COL18A1: variants seen among roughly 807,000 people sequenced by gnomAD.
The protein encoded by COL18A1 is collagen type XVIII alpha 1 chain.
In COL18A1, 133 loss-of-function variants were observed where a neutral mutation model predicts 168.0. The ratio of observed to expected loss-of-function variants is 0.79; its 90% confidence interval spans 0.69 to 0.91. COL18A1 has a LOEUF of 0.91. Ranked by LOEUF, COL18A1 falls within the 40% of genes least tolerant of loss-of-function variation. The pLI is 0.00. For synonymous variants in COL18A1, 949 were observed against 809.0 expected (o/e 1.17, Z -2.94); for missense variants, 2,126 against 1,925.4 (o/e 1.10, Z -1.95).
In COL18A1 at chr21:45,512,217, AC is replaced by A. The variant is rs2037653611; in HGVS notation, c.3843del (p.Asn1282ThrfsTer5). 1 of 1,612,032 alleles carries A rather than the reference AC, an allele frequency of 6.2e-7. No homozygotes were observed. Among genetic ancestry groups the A allele is most frequent in the Admixed American group, 1.7e-5 (1 of 59,946 alleles). On this transcript the variant is annotated frameshift_variant, in exon 42 of 42. Transcript: ENST00000651438. LOFTEE classifies it low-confidence loss of function (END_TRUNC). ...WPQKSVWHGS[D>X]PNGRRLTESY... ...CAGAAGAGCGTGTGGCATGGCTCGG[AC>A]CCCAACGGGCGCAGGCTGACCGAGA...
intron 16 of COL18A1, 25 bp downstream of exon 16, chr21:45,487,017 C>T: frequency 2.0e-6 from 3 of 1,496,402 alleles, no homozygotes; most frequent in Non-Finnish European, 2.7e-6. Flanking sequence ...CACCTGACCC[C>T]CTGGAGAGCC....
intron 2 of COL18A1, chr21:45,455,634 A>G: frequency 6.2e-7 from 1 of 1,613,936 alleles, no homozygotes; most frequent in Non-Finnish European, 8.5e-7. Flanking sequence ...TGGTTCAATA[A>G]TGAGGACACC....
intron 32 of COL18A1, among the ~76,000 whole-genome samples, chr21:45,501,399 G>C (rs886198843): frequency 6.6e-6 from 1 of 152,126 alleles, no homozygotes; most frequent in South Asian, 2.1e-4. Flanking sequence ...CGGGACCGGG[G>C]TCTGCCCCAG....
rs2037661623 is a variant in COL18A1 at position 45,512,338 on chromosome 21, C to T, written c.3960C>T (p.Ser1320=). The change falls in exon 42 of 42, where the codon AGC becomes AGT. Residue 1320 remains serine (S), a synonymous_variant. Transcript: ENST00000651438. ...GGRLLGQSAA[S]CHHAYIVLCI... is the part of the protein sequence containing the mutation. ...GGCTCCTGGGGCAGAGTGCCGCGAG[C>T]TGCCATCACGCCTACATCGTGCTCT... 1.2e-6 allele frequency: 2 copies of T among 1,612,692 alleles called. No homozygotes were observed. Among genetic ancestry groups the T allele is most frequent in the Non-Finnish European group, 1.7e-6 (2 of 1,179,828 alleles).
chr21:45,510,483 TCCCATGAGGCC>T (rs2037515869), intron 40 of COL18A1, among the ~76,000 whole-genome samples: 1 of 152,064 alleles, frequency 6.6e-6, no homozygotes, highest in Non-Finnish European at 1.5e-5. Flanking sequence ...CCCCAGGGCA[TCCCATGAGGCC>T]CCCCCGTGGC....
intron 2 of COL18A1, among the ~76,000 whole-genome samples, chr21:45,442,211 C>T (rs1221612372): frequency 3.9e-5 from 6 of 152,224 alleles, no homozygotes; most frequent in Admixed American, 6.5e-5. Flanking sequence ...TGGATACCAC[C>T]GGTGCACAGG....
rs766163152 is a variant in COL18A1, at chr21:45,484,801, CAT to C, written c.1701+1981_1701+1982del. ...TCTAGTATGTGTGCATACACGTACACATGTAGGCTTTGAGTTAAGCAGGGGAG... is the reference window on the plus strand; with the variant it reads ...TCTAGTATGTGTGCATACACGTACACGTAGGCTTTGAGTTAAGCAGGGGAG... On this transcript the variant is annotated intron_variant, in intron 15 of 41. Coordinates refer to ENST00000651438, the MANE Select transcript of COL18A1 (RefSeq NM_001379500.1). 2.0e-5 allele frequency among the ~76,000 whole-genome samples: 3 copies of C among 152,302 alleles called. No individual in the cohort carries two copies. The East Asian group carries it at 5.8e-4, about 29-fold the overall frequency.
At chr21:45,501,884 C>G (rs1233017593) in intron 32 of COL18A1, among the ~76,000 whole-genome samples, 1 of 115,826 alleles carries the variant, frequency 8.6e-6, no homozygotes, top group Non-Finnish European at 1.9e-5. Flanking sequence ...AGCCGGTCAC[C>G]TCCCTCTGCA....
chr21:45,429,379 C>T (rs533984790), intron 2 of COL18A1, among the ~76,000 whole-genome samples: 4 of 152,022 alleles, frequency 2.6e-5, no homozygotes, highest in East Asian at 3.9e-4. Flanking sequence ...TCGCTGTCAG[C>T]GATGGCTGCT....
At chr21:45,426,228 T>C (rs2033794950) in intron 2 of COL18A1, among the ~76,000 whole-genome samples, 1 of 152,120 alleles carries the variant, frequency 6.6e-6, no homozygotes, top group Non-Finnish European at 1.5e-5. Flanking sequence ...TCTCAGCCTC[T>C]GGAGTAGCTG....
rs2035533390 is a variant in COL18A1 at position 45,473,796 on chromosome 21, G to A, written c.652-99G>A. 1 of 978,730 alleles carries A rather than the reference G, an allele frequency of 1.0e-6. No homozygotes were observed. Among genetic ancestry groups the A allele is most frequent in the African/African-American group, 1.6e-5 (1 of 62,282 alleles). 60.6% of individuals were successfully genotyped at this position (978,730 alleles called of 1,614,324 possible). A position where few individuals can be genotyped will look rare whatever the true frequency, so the allele number is the denominator to read the frequency against. ...CCCCTTCCCTCTCCGAGACTCTCCT[G>A]CCCTTTGTGGGCCCCCCGAAATCTG... is the stretch of plus-strand genomic sequence containing the variant. On this transcript the variant is annotated intron_variant, in intron 3 of 41. Transcript: ENST00000651438. This position sits in a 1 kb window ranked among gnomAD's most constrained non-coding sequence, Gnocchi z 4.0.
intron 2 of COL18A1, among the ~76,000 whole-genome samples, chr21:45,437,791 C>G (rs111213117): frequency 6.8e-5 from 5 of 73,330 alleles, no homozygotes; most frequent in African/African-American, 2.6e-4. Flanking sequence ...CTCACTCACA[C>G]ACAGACACAC....
intron 2 of COL18A1, among the ~76,000 whole-genome samples, chr21:45,428,806 G>A (rs1304644506): frequency 6.6e-6 from 1 of 152,130 alleles, no homozygotes; most frequent in Non-Finnish European, 1.5e-5. Flanking sequence ...TTTCATGGGT[G>A]TGTAATAGTC....
chr21:45,509,286 G>A (rs968141960), intron 38 of COL18A1, 70 bp from the exon 39 acceptor site: 110 of 1,530,138 alleles, frequency 7.2e-5, no homozygotes, highest in Non-Finnish European at 9.4e-5. Flanking sequence ...CAGCCCAGAG[G>A]AGGACACAGA....
intron 2 of COL18A1, among the ~76,000 whole-genome samples, chr21:45,467,096 G>T (rs2035238729): frequency 6.6e-6 from 1 of 152,246 alleles, no homozygotes; most frequent in Non-Finnish European, 1.5e-5. Flanking sequence ...CTCTGCCCCT[G>T]GCCCAGACTG....
At chr21:45,483,932 G>GCA (rs748632916) in intron 15 of COL18A1, among the ~76,000 whole-genome samples, 3 of 53,346 alleles carry the variant, frequency 5.6e-5, no homozygotes, top group Admixed American at 1.8e-4. Context: ...ATGTACACAT[G>GCA]CACACACACC....
At chr21:45,468,917 G>A in intron 3 of COL18A1, 131 bp downstream of exon 3, 6 of 993,174 alleles carry the variant, frequency 6.0e-6, no homozygotes, top group African/African-American at 4.9e-5. Context: ...GTCAGCCCGG[G>A]CCTCCAGCGC....
chr21:45,413,948 T>G (rs886968325), intron 2 of COL18A1, among the ~76,000 whole-genome samples: 2 of 152,204 alleles, frequency 1.3e-5, no homozygotes, highest in Non-Finnish European at 2.9e-5. Context: ...AGGCGTCTTC[T>G]AGTATAAATT....
In COL18A1 at chr21:45,477,817, G is replaced by A; in HGVS notation, c.1073G>A (p.Gly358Glu). 2 of 1,551,830 alleles carry A rather than the reference G, an allele frequency of 1.3e-6. No individual in the cohort carries two copies. Among genetic ancestry groups the A allele is most frequent in the Admixed American group, 2.0e-5 (1 of 51,140 alleles). ...CCACCTGGCCGGGCAGGCCCCCCAG[G>A]ATCCCCATGCCTACCTGGTCCCCCG... ...PGPPGRAGPP[G>E]SPCLPGPPGL... Residue 358 changes from glycine (G) to glutamate (E), a missense_variant, in exon 8 of 42, where the codon GGA becomes GAA. By Grantham distance (98) the Gly-to-Glu change is moderately conservative (BLOSUM62 -2). Coordinates refer to ENST00000651438, the MANE Select transcript of COL18A1 (RefSeq NM_001379500.1).
Sources: gnomAD v4.1 joint callset for allele counts (sites outside exome capture counted in the v4.1 genomes callset) on GRCh38, gnomAD v4.1.1 for gene constraint, Gnocchi (gnomAD v3.1) non-coding constraint, MANE v1.5 for transcripts, NCBI Gene and HGNC (gene_info 2026-07-23, HGNC 2026-07-21) for gene names.